The following DZANK1 variants were observed in gnomAD, a reference collection of about 807,000 sequenced individuals.
The protein encoded by DZANK1 is double zinc ribbon and ankyrin repeat-containing protein 1.
A neutral mutation model predicts 94.5 loss-of-function variants in DZANK1; 91 were observed. The observed-to-expected ratio is 0.96, with a 90% confidence interval of 0.81 to 1.15. The LOEUF is 1.15. DZANK1 is among the 50% of genes most tolerant of loss of function. The probability of loss-of-function intolerance (pLI) is 0.00; values close to 1 mark genes in which losing one functional copy is unlikely to be tolerated. For missense variants in DZANK1, 903 were observed against 916.4 expected (o/e 0.99, Z 0.19); for synonymous variants, 312 against 325.3 (o/e 0.96, Z 0.44).
intron 3 of DZANK1, among the ~76,000 whole-genome samples, chr20:18,456,629 T>C (rs1162523684): frequency 6.6e-6 from 1 of 152,080 alleles, no homozygotes; most frequent in African/African-American, 2.4e-5. Flanking sequence ...TCTATAGTTT[T>C]GTCTTTTCTA....
At chr20:18,412,805 C>T in exon 13 of DZANK1, 2 of 1,613,966 alleles carry the variant, frequency 1.2e-6, no homozygotes, top group South Asian at 1.1e-5. Context: ...TTAGTCCCAA[C>T]ATCAGATCTG....
chr20:18,434,436 T>C (rs1052935329), intron 8 of DZANK1, among the ~76,000 whole-genome samples: 5 of 149,526 alleles, frequency 3.3e-5, no homozygotes, highest in Non-Finnish European at 5.9e-5. Flanking sequence ...TCCCAGCTAC[T>C]TGGGAGGCTG....
chr20:18,462,138 T>G (rs1216079750), intron 2 of DZANK1, among the ~76,000 whole-genome samples: 1 of 152,184 alleles, frequency 6.6e-6, no homozygotes, highest in Non-Finnish European at 1.5e-5. Context: ...CAATGAATGT[T>G]TGCTGAATAC....
At chr20:18,410,475 A>G (rs568647266) in intron 13 of DZANK1, among the ~76,000 whole-genome samples, 8 of 152,234 alleles carry the variant, frequency 5.3e-5, no homozygotes, top group Non-Finnish European at 8.8e-5. Flanking sequence ...AAAATATGCA[A>G]TGCAAAAGAA....
chr20:18,424,967 A>C (rs1020932657), intron 10 of DZANK1, among the ~76,000 whole-genome samples: 1 of 152,244 alleles, frequency 6.6e-6, no homozygotes, highest in Non-Finnish European at 1.5e-5. Context: ...TACTTCCATA[A>C]AAGACAAAAT....
chr20:18,401,726 T>A (rs2056693207), intron 13 of DZANK1, among the ~76,000 whole-genome samples: 1 of 152,264 alleles, frequency 6.6e-6, no homozygotes, highest in Non-Finnish European at 1.5e-5. Context: ...CTTCTTCATG[T>A]GGCATCTCTT....
intron 4 of DZANK1, 34 bp downstream of exon 4, chr20:18,455,213 G>C: frequency 6.6e-7 from 1 of 1,517,830 alleles, no homozygotes; most frequent in East Asian, 2.3e-5. Context: ...AAAATACAGT[G>C]ACAATCTGAA....
chr20:18,445,720 G>A (rs1222601076), intron 7 of DZANK1, among the ~76,000 whole-genome samples: 1 of 152,076 alleles, frequency 6.6e-6, no homozygotes, highest in Non-Finnish European at 1.5e-5. Context: ...GGGCAACTTT[G>A]TGAAAACCCC....
chr20:18,384,524 T>C (rs1469578330), exon 21 of DZANK1: 1 of 1,609,914 alleles, frequency 6.2e-7, no homozygotes, highest in Non-Finnish European at 8.5e-7. Flanking sequence ...TCGTATGCTG[T>C]CTGGCCTCCT....
intron 13 of DZANK1, among the ~76,000 whole-genome samples, chr20:18,400,152 T>C (rs1247789421): frequency 1.3e-5 from 2 of 152,220 alleles, no homozygotes; most frequent in African/African-American, 4.8e-5. Context: ...TGTTCTTACT[T>C]GGGTTCCCCT....
rs1287704846 is a variant in DZANK1 at position 18,403,799 on chromosome 20, T to TC, written c.1433-5174_1433-5173insG. 1.2e-3 allele frequency among the ~76,000 whole-genome samples: 142 copies of TC among 117,908 alleles called. 1 individual carries two copies. Among genetic ancestry groups the TC allele is most frequent in the African/African-American group, 3.6e-3 (129 of 36,324 alleles). The allele number at this position is 117,908 out of a possible 152,430, so 77.4% of individuals were successfully genotyped here. ...GATTCATAAACTAACTTTCTTTCTTTTTTTTTTTTTTTTTTTTTGAGATGG... is the reference window on the plus strand; with the variant it reads ...GATTCATAAACTAACTTTCTTTCTTTCTTTTTTTTTTTTTTTTTTGAGATGG... On this transcript the variant is annotated intron_variant, in intron 13 of 20. Coordinates refer to ENST00000262547, the Ensembl canonical transcript of DZANK1.
chr20:18,387,569 A>G (rs994853922), intron 19 of DZANK1, among the ~76,000 whole-genome samples: 1 of 152,176 alleles, frequency 6.6e-6, no homozygotes, highest in Non-Finnish European at 1.5e-5. Flanking sequence ...GGAATCGCCA[A>G]TGCAGTGAGG....
In DZANK1 at chr20:18,433,639, C is replaced by T; in HGVS notation, c.861+13G>A. 3 of 1,609,688 alleles carry T rather than the reference C, an allele frequency of 1.9e-6. No individual in the cohort carries two copies. Among genetic ancestry groups the T allele is most frequent in the Non-Finnish European group, 2.6e-6 (3 of 1,175,980 alleles). The stretch of plus-strand genomic sequence containing the variant: ...TATTTCATTCATGTTTTTACAGAAT[C>T]ACATTTCATTACCTTCAAGTGGAGG... On this transcript the variant is annotated intron_variant, in intron 9 of 20. Coordinates refer to ENST00000262547, the Ensembl canonical transcript of DZANK1.
In DZANK1 at chr20:18,388,244, G is replaced by T. The variant is rs979365376; in HGVS notation, c.2018+1457C>A. Among the ~76,000 whole-genome samples the T allele has an allele frequency of 4.6e-5, 7 of 152,338 alleles. No individual in the cohort carries two copies. In the South Asian group the frequency reaches 1.4e-3, roughly 32 times the overall value. ...TGCCCACAGTCACCATGATCCTGCA[G>T]GGGGGTGACAAAGGCTATTACACAC... On this transcript the variant is annotated intron_variant, in intron 19 of 20. Coordinates refer to ENST00000262547, the Ensembl canonical transcript of DZANK1.
intron 10 of DZANK1, among the ~76,000 whole-genome samples, chr20:18,422,224 G>T (rs1370244844): frequency 2.0e-5 from 3 of 152,178 alleles, no homozygotes; most frequent in Non-Finnish European, 4.4e-5. Context: ...AGTATATGGT[G>T]TGAGATAAGG....
At chr20:18,413,416 C>T (rs1568927134) in intron 12 of DZANK1, among the ~76,000 whole-genome samples, 4 of 152,054 alleles carry the variant, frequency 2.6e-5, no homozygotes, top group African/African-American at 4.8e-5. Context: ...AAAAGAACAC[C>T]TTTGTTTCAT....
At chr20:18,403,078 G>A (rs551151600) in intron 13 of DZANK1, among the ~76,000 whole-genome samples, 12 of 152,294 alleles carry the variant, frequency 7.9e-5, no homozygotes, top group Middle Eastern at 3.4e-3. Flanking sequence ...AGTATCTTCC[G>A]AGGAAGGACA....
chr20:18,455,347 C>T (rs1568547789), exon 4 of DZANK1: 4 of 1,603,700 alleles, frequency 2.5e-6, no homozygotes, highest in South Asian at 2.2e-5. Flanking sequence ...CACAATGCCA[C>T]TCTGTCTGCA....
intron 10 of DZANK1, among the ~76,000 whole-genome samples, chr20:18,421,791 C>T (rs1384722712): frequency 6.6e-6 from 1 of 152,132 alleles, no homozygotes; most frequent in African/African-American, 2.4e-5. Flanking sequence ...TTTGCAGGTG[C>T]CTCATCCACC....
Sources: allele counts gnomAD v4.1 joint callset (sites outside exome capture counted in the v4.1 genomes callset), GRCh38; gene constraint gnomAD v4.1.1; transcripts MANE v1.5; gene names NCBI Gene and HGNC (gene_info 2026-07-23, HGNC 2026-07-21).